Variants in CDH10 observed in about 807,000 individuals in gnomAD.
CDH10 encodes cadherin-10.
CDH10 carries 30 observed loss-of-function variants against 73.1 expected under a neutral mutation model. The ratio of observed to expected loss-of-function variants is 0.41; its 90% CI spans 0.31 to 0.56. CDH10 has a LOEUF of 0.56. CDH10 is among the 20% of genes least tolerant of loss of function. CDH10 has a pLI of 0.27. For missense variants in CDH10, 815 were observed against 973.7 expected, an observed-to-expected ratio of 0.84 and a Z score of 2.17; for synonymous variants, 345 against 348.2, an observed-to-expected ratio of 0.99 and a Z score of 0.10.
intron 1 of CDH10, among the ~76,000 whole-genome samples, chr5:24,602,310 T>C (rs1746592630): frequency 6.6e-6 from 1 of 152,164 alleles, no homozygotes; most frequent in South Asian, 2.1e-4. Flanking sequence ...TTTCAGCAAG[T>C]ATTTAGTGGG....
intron 3 of CDH10, among the ~76,000 whole-genome samples, chr5:24,537,021 TA>T (rs147957929): frequency 0.019 from 2,884 of 152,058 alleles, 96 homozygotes; most frequent in African/African-American, 0.066. Context: ...ATATAACCTC[TA>T]TGGTATTCTA....
At position 24,487,719 on chromosome 5, in the gene CDH10, G is replaced by T. The variant is rs1263347214; in HGVS notation, c.2311C>A (p.Arg771=). ...NYDYLREWGP[R]FNKLAEMYGG... ...TACATTTCTGCTAGCTTATTAAACC[G>T]AGGGCCCCATTCTCGGAGGTAATCG... Residue 771 remains arginine, a synonymous_variant, in exon 12 of 12, where the codon CGG becomes AGG. Coordinates refer to ENST00000264463, the MANE Select transcript of CDH10 (RefSeq NM_006727.5). 15 of 1,613,038 alleles carry T rather than the reference G, an allele frequency of 9.3e-6. No individual in the cohort carries two copies. The highest frequency in any genetic ancestry group is 4.0e-5 in the African/African-American group (3 of 74,658).
chr5:24,492,837 A>G lies in CDH10; in HGVS notation c.1604T>C (p.Phe535Ser). The G allele has an allele frequency of 6.7e-7, 1 of 1,502,924 alleles. No homozygotes were observed. Among genetic ancestry groups the G allele is most frequent in the Non-Finnish European group, 9.3e-7 (1 of 1,078,924 alleles). The allele number at this position is 1,502,924 out of a possible 1,614,324, so 93.1% of individuals were successfully genotyped here. ...TTTACCTTCATTATCCTGTACTGTG[A>G]AGTTTGGATTGACAGCAGCTAAACT... ...FFSLAAVNPNFTVQDNEDNTA... is the reference protein window; with the variant it reads ...FFSLAAVNPNSTVQDNEDNTA... The change falls in exon 10 of 12, where the codon TTC becomes TCC. Residue 535 changes from phenylalanine (F) to serine (S), a missense_variant. Coordinates refer to ENST00000264463, the MANE Select transcript of CDH10 (RefSeq NM_006727.5).
At chr5:24,643,163 C>T (rs570471008) in intron 1 of CDH10, among the ~76,000 whole-genome samples, 3 of 152,128 alleles carry the variant, frequency 2.0e-5, no homozygotes, top group Admixed American at 6.5e-5. Flanking sequence ...ACATATGTGC[C>T]ACATTTAGTA....
At chr5:24,490,215 A>G (rs1741999507) in intron 11 of CDH10, among the ~76,000 whole-genome samples, 1 of 152,056 alleles carries the variant, frequency 6.6e-6, no homozygotes, top group Non-Finnish European at 1.5e-5. Context: ...TCCCCCAAAT[A>G]AATATTTATA....
chr5:24,497,519 G>T (rs1742335150), intron 9 of CDH10, among the ~76,000 whole-genome samples: 1 of 152,004 alleles, frequency 6.6e-6, no homozygotes, highest in African/African-American at 2.4e-5. Flanking sequence ...CAACAGACAG[G>T]CTATTGAATT....
Position 24,593,548 on chromosome 5 carries a change from G to T in CDH10, c.-58C>A. 2 of 987,792 alleles carry T rather than the reference G, an allele frequency of 2.0e-6. No homozygotes were observed. Among genetic ancestry groups the T allele is most frequent in the Non-Finnish European group, 3.2e-6 (2 of 631,858 alleles). 61.2% of individuals were successfully genotyped at this position (987,792 alleles called of 1,614,324 possible). ...AAGAGAAGTGGTCCTATTTTACCCAGTTGGTTTTACTGTGTTTCAACTGGT... is the reference window on the plus strand; with the variant it reads ...AAGAGAAGTGGTCCTATTTTACCCATTTGGTTTTACTGTGTTTCAACTGGT... On this transcript the variant is annotated 5_prime_UTR_variant, in exon 2 of 12. The change creates a new upstream start codon in the 5' untranslated region. Coordinates refer to ENST00000264463, the MANE Select transcript of CDH10 (RefSeq NM_006727.5).
chr5:24,644,066 G>A (rs1411188308), intron 1 of CDH10, among the ~76,000 whole-genome samples: 1 of 152,072 alleles, frequency 6.6e-6, no homozygotes, highest in Non-Finnish European at 1.5e-5. Context: ...TAGATGCTTA[G>A]TGACCATTGA....
chr5:24,567,372 T>C (rs1422018745), intron 2 of CDH10, among the ~76,000 whole-genome samples: 1 of 150,216 alleles, frequency 6.7e-6, no homozygotes, highest in Non-Finnish European at 1.5e-5. Context: ...AGAAACTGTA[T>C]GTGCACAAAA....
chr5:24,527,898 G>A (rs898723254), intron 5 of CDH10, among the ~76,000 whole-genome samples: 35 of 151,776 alleles, frequency 2.3e-4, no homozygotes, highest in Non-Finnish European at 8.8e-5. Context: ...CAGAGAGAGA[G>A]ATTGTGTCTG....
At chr5:24,629,958 C>T (rs1171686351) in intron 1 of CDH10, among the ~76,000 whole-genome samples, 3 of 152,064 alleles carry the variant, frequency 2.0e-5, no homozygotes, top group Admixed American at 6.6e-5. Context: ...CTTTCAATTA[C>T]TCAATGTTAG....
At chr5:24,551,507 C>T (rs1332051981) in intron 2 of CDH10, among the ~76,000 whole-genome samples, 1 of 151,980 alleles carries the variant, frequency 6.6e-6, no homozygotes, top group African/African-American at 2.4e-5. Context: ...ATGGTTACTC[C>T]TCTTTGTATC....
intron 2 of CDH10, among the ~76,000 whole-genome samples, chr5:24,587,712 T>C (rs1285531072): frequency 7.2e-6 from 1 of 139,184 alleles, no homozygotes; most frequent in Non-Finnish European, 1.6e-5. Flanking sequence ...TGTGAAAAAA[T>C]GATTGGCTAA....
chr5:24,524,198 A>G (rs935930069), intron 5 of CDH10, among the ~76,000 whole-genome samples: 6 of 152,266 alleles, frequency 3.9e-5, no homozygotes, highest in African/African-American at 1.4e-4. Context: ...TATTGGGTCT[A>G]TTTCAAAATT....
chr5:24,524,081 T>C (rs192665079), intron 5 of CDH10, among the ~76,000 whole-genome samples: 3 of 152,262 alleles, frequency 2.0e-5, no homozygotes, highest in Admixed American at 6.5e-5. Context: ...GCAACATCAG[T>C]AATTAATTCA....
In CDH10 at chr5:24,491,694, C is replaced by G. The variant is rs2111638923; in HGVS notation, c.1758G>C (p.Val586=). ...TGTTGCCTTGGCTGTCACAAGCACA[C>G]ACTCGAATGGTCAGTGTGCCTGTGC... The part of the protein sequence containing the change: ...QSSTGTLTIR[V]CACDSQGNMQ... Residue 586 remains valine, a synonymous_variant, in exon 11 of 12, where the codon GTG becomes GTC. Coordinates refer to ENST00000264463, the MANE Select transcript of CDH10 (RefSeq NM_006727.5). The G allele has an allele frequency of 6.2e-7, 1 of 1,614,134 alleles. No individual in the cohort carries two copies. Among genetic ancestry groups the G allele is most frequent in the Non-Finnish European group, 8.5e-7 (1 of 1,180,008 alleles).
chr5:24,504,520 T>TTTTTTTTTTTAAGA (rs1742617941), intron 8 of CDH10, among the ~76,000 whole-genome samples: 1 of 93,974 alleles, frequency 1.1e-5, no homozygotes, highest in Non-Finnish European at 2.2e-5. Context: ...TTTTTTTTTT[T>TTTTTTTTTTTAAGA]TTTTTTTTTT....
At chr5:24,529,160 C>G (rs1290787725) in intron 5 of CDH10, among the ~76,000 whole-genome samples, 1 of 151,892 alleles carries the variant, frequency 6.6e-6, no homozygotes, top group Non-Finnish European at 1.5e-5. Flanking sequence ...CTTGGGCAAA[C>G]CAGATAATCC....
At chr5:24,618,171 A>G (rs1217505092) in intron 1 of CDH10, among the ~76,000 whole-genome samples, 1 of 152,170 alleles carries the variant, frequency 6.6e-6, no homozygotes, top group African/African-American at 2.4e-5. Context: ...ATGGACCATT[A>G]TTATTAGCAT....
Sources: gnomAD v4.1 joint callset for allele counts (sites outside exome capture counted in the v4.1 genomes callset) on GRCh38, gnomAD v4.1.1 for gene constraint, MANE v1.5 for transcripts, NCBI Gene and HGNC (gene_info 2026-07-23, HGNC 2026-07-21) for gene names.